RBFOX3: variants seen among roughly 807,000 people sequenced by gnomAD.
The protein encoded by RBFOX3 is RNA binding fox-1 homolog 3.
In RBFOX3, 17 loss-of-function variants were observed where a neutral mutation model predicts 48.7. That is an observed-to-expected ratio of 0.35 (90% CI 0.24 to 0.52). RBFOX3 has a LOEUF of 0.52. RBFOX3 is among the 20% of genes least tolerant of loss of function. RBFOX3 has a pLI of 0.94. For missense variants in RBFOX3, 382 were observed against 497.5 expected (o/e 0.77, Z 2.21); for synonymous variants, 212 against 209.5 (o/e 1.01, Z -0.10).
At chr17:79,211,104 C>T (rs547925820) in intron 4 of RBFOX3, among the ~76,000 whole-genome samples, 4 of 152,204 alleles carry the variant, frequency 2.6e-5, no homozygotes, top group East Asian at 3.9e-4. Context: ...ATGAGGGTGC[C>T]GAGTTTTGGA....
In RBFOX3 at chr17:79,473,763, C is replaced by T. The variant is rs2149397850; in HGVS notation, c.-175+8691G>A. Among the ~76,000 whole-genome samples, 1 of 152,250 alleles carries T rather than the reference C, an allele frequency of 6.6e-6. No homozygotes were observed. Among genetic ancestry groups the T allele is most frequent in the Admixed American group, 6.5e-5 (1 of 15,282 alleles). On this transcript the variant is annotated intron_variant, in intron 2 of 14. Transcript: ENST00000693108. The surrounding 1 kb of genome is among the most constrained non-coding windows in gnomAD (Gnocchi z 4.2). The stretch of plus-strand genomic sequence containing the variant: ...ATCTGTCCAAGCTCCATCTCCCCTC[C>T]CACCCCAAAGGAAAAAAGAAAAATT...
At chr17:79,303,218 T>C (rs1374567016) in intron 3 of RBFOX3, among the ~76,000 whole-genome samples, 1 of 152,212 alleles carries the variant, frequency 6.6e-6, no homozygotes, top group Non-Finnish European at 1.5e-5. Context: ...AAATAGTCCA[T>C]TTATGCTATG....
At chr17:79,453,594 T>C (rs1260329083) in intron 2 of RBFOX3, among the ~76,000 whole-genome samples, 3 of 152,086 alleles carry the variant, frequency 2.0e-5, no homozygotes, top group African/African-American at 7.2e-5. Flanking sequence ...AGAGAAATAG[T>C]GCCGTTTAAG....
intron 3 of RBFOX3, among the ~76,000 whole-genome samples, chr17:79,285,228 G>A (rs1021805846): frequency 1.3e-5 from 2 of 152,206 alleles, no homozygotes; most frequent in African/African-American, 4.8e-5. Context: ...GAAGCTGTCA[G>A]TGGCGCTGTC....
At chr17:79,128,364 C>T (rs1429903893) in intron 4 of RBFOX3, among the ~76,000 whole-genome samples, 2 of 152,202 alleles carry the variant, frequency 1.3e-5, no homozygotes, top group African/African-American at 4.8e-5. Context: ...CTACGACCCA[C>T]TGAGGTCCCA....
Position 79,103,123 on chromosome 17 carries a change from T to C in RBFOX3, c.507+39A>G. ...GGGGAGCTGGGGGGCAGGTGGGCGA[T>C]CTTGGGGCATCCCTGCCGCAGCACA... On this transcript the variant is annotated intron_variant, in intron 8 of 14. Coordinates refer to ENST00000693108, the MANE Select transcript of RBFOX3 (RefSeq NM_001350451.2). This position sits in a 1 kb window ranked among gnomAD's most constrained non-coding sequence, Gnocchi z 6.1. The C allele has an allele frequency of 1.4e-6, 2 of 1,467,384 alleles. No individual in the cohort carries two copies. Among genetic ancestry groups the C allele is most frequent in the Non-Finnish European group, 1.9e-6 (2 of 1,071,688 alleles). 90.9% of individuals were successfully genotyped at this position (1,467,384 alleles called of 1,614,324 possible).
the RBFOX3 span, among the ~76,000 whole-genome samples, chr17:79,656,474 CAT>C: frequency 6.6e-6 from 1 of 151,966 alleles, no homozygotes; most frequent in Non-Finnish European, 1.5e-5. Context: ...ATTAGCCGGA[CAT>C]GGTGGCGTGT....
intron 2 of RBFOX3, among the ~76,000 whole-genome samples, chr17:79,435,198 T>G (rs2069178681): frequency 6.6e-6 from 1 of 152,186 alleles, no homozygotes; most frequent in South Asian, 2.1e-4. Flanking sequence ...GCCTCTGGCC[T>G]GCCTGCTGGT....
intron 2 of RBFOX3, among the ~76,000 whole-genome samples, chr17:79,313,061 G>A (rs2077065946): frequency 6.6e-6 from 1 of 152,142 alleles, no homozygotes; most frequent in African/African-American, 2.4e-5. Context: ...CCAAACCCAG[G>A]GCATCTGGCT....
intron 5 of RBFOX3, among the ~76,000 whole-genome samples, chr17:79,110,554 C>T (rs1201505481): frequency 1.3e-5 from 2 of 152,212 alleles, no homozygotes; most frequent in Non-Finnish European, 2.9e-5. Flanking sequence ...TCGACAGCGC[C>T]GTCTCCCTTC....
intron 4 of RBFOX3, among the ~76,000 whole-genome samples, chr17:79,151,333 G>A (rs988162217): frequency 6.1e-5 from 9 of 148,376 alleles, no homozygotes; most frequent in Middle Eastern, 3.4e-3. Context: ...TGGTCCCGAC[G>A]GCTCTGGGTC....
intron 1 of RBFOX3, among the ~76,000 whole-genome samples, chr17:79,494,588 C>T (rs1555774136): frequency 6.6e-6 from 1 of 152,168 alleles, no homozygotes; most frequent in African/African-American, 2.4e-5. Flanking sequence ...TTGGAGTGGG[C>T]TGGGGAATGA....
Position 79,220,271 on chromosome 17 carries a change from C to A in RBFOX3, c.-34+15495G>T, listed in dbSNP as rs372629613. Among the ~76,000 whole-genome samples, 6 of 152,178 alleles carry A rather than the reference C, an allele frequency of 3.9e-5. No homozygotes were observed. Among genetic ancestry groups the A allele is most frequent in the Non-Finnish European group, 7.4e-5 (5 of 68,026 alleles). On this transcript the variant is annotated intron_variant, in intron 4 of 14. Coordinates refer to ENST00000693108, the MANE Select transcript of RBFOX3 (RefSeq NM_001350451.2). The surrounding 1 kb of genome is among the most constrained non-coding windows in gnomAD (Gnocchi z 5.9). ...ACCCAATCAGGGAAGCGGCCGCTGG[C>A]GGCAGGTTGGTGGGGGTAGGGGCTT...
At chr17:79,450,857 G>A (rs1555741223) in intron 2 of RBFOX3, among the ~76,000 whole-genome samples, 1 of 152,140 alleles carries the variant, frequency 6.6e-6, no homozygotes. Flanking sequence ...AGTCCCAAAA[G>A]ATATATGCCA....
intron 2 of RBFOX3, among the ~76,000 whole-genome samples, chr17:79,317,668 C>T (rs1437862828): frequency 6.6e-6 from 1 of 152,120 alleles, no homozygotes; most frequent in Non-Finnish European, 1.5e-5. Context: ...GCAAGGAATC[C>T]CTAAACTCTG....
intron 4 of RBFOX3, among the ~76,000 whole-genome samples, chr17:79,190,043 C>G (rs1370778836): frequency 6.6e-6 from 1 of 152,104 alleles, no homozygotes; most frequent in African/African-American, 2.4e-5. Context: ...ACTCTTGGTA[C>G]CCCCACTTGC....
chr17:79,177,228 C>T (rs1028430467), intron 4 of RBFOX3, among the ~76,000 whole-genome samples: 3 of 152,324 alleles, frequency 2.0e-5, no homozygotes, highest in African/African-American at 4.8e-5. Flanking sequence ...GCCCTCTCCC[C>T]AGCCTTGGAA....
chr17:79,338,695 G>T (rs777492464), intron 2 of RBFOX3, among the ~76,000 whole-genome samples: 1 of 152,156 alleles, frequency 6.6e-6, no homozygotes, highest in Non-Finnish European at 1.5e-5. Context: ...TTTGGAACTC[G>T]CATTGCTACA....
chr17:79,584,134 T>G (rs941127549), intron 1 of RBFOX3, among the ~76,000 whole-genome samples: 51 of 152,218 alleles, frequency 3.4e-4, no homozygotes, highest in Middle Eastern at 3.4e-3. Flanking sequence ...AACAAGCATA[T>G]GGAAAAATGC....
Sources: allele counts gnomAD v4.1 joint callset (sites outside exome capture counted in the v4.1 genomes callset), GRCh38; gene constraint gnomAD v4.1.1; non-coding constraint Gnocchi (gnomAD v3.1); transcripts MANE v1.5; gene names NCBI Gene and HGNC (gene_info 2026-07-23, HGNC 2026-07-21).